Variants in TFE3 observed in about 807,000 individuals in gnomAD.
TFE3 encodes transcription factor binding to IGHM enhancer 3.
In TFE3, 5 loss-of-function variants were observed where a neutral mutation model predicts 35.0. The observed-to-expected ratio is 0.14, with a 90% confidence interval of 0.07 to 0.30. The LOEUF is 0.30. Ranked by LOEUF, TFE3 falls within the 10% of genes least tolerant of loss-of-function variation. The pLI is 1.00. For synonymous variants in TFE3, 211 were observed against 215.6 expected, an observed-to-expected ratio of 0.98 and a Z score of 0.18; for missense variants, 374 against 496.6, an observed-to-expected ratio of 0.75 and a Z score of 2.35.
In TFE3 at chrX:49,033,766, G is replaced by A. The variant is rs782369351; in HGVS notation, c.1020C>T (p.Ala340=). 8.3e-7 allele frequency: 1 copy of A among 1,211,737 alleles called. No individual in the cohort carries two copies. Among genetic ancestry groups the A allele is most frequent in the Admixed American group, 2.2e-5 (1 of 45,985 alleles). ...CTTTCTTCTGCCGTTCCTTCAAAAG[G>A]GCCTTTGCCTCGGTCTCTGGAAAAG... is the stretch of plus-strand genomic sequence containing the variant. ...KREISETEAK[A]LLKERQKKDN... The change falls in exon 7 of 10, where the codon GCC becomes GCT. Residue 340 remains alanine (A), a synonymous_variant. Transcript: ENST00000315869.
chrX:49,030,333 T>C lies in TFE3; in HGVS notation c.1553A>G (p.His518Arg), dbSNP rs1602492646. 1 of 1,075,615 alleles carries C rather than the reference T, an allele frequency of 9.3e-7. No individual in the cohort carries two copies. The highest frequency in any genetic ancestry group is 1.2e-6 in the Non-Finnish European group (1 of 820,100). 88.6% of individuals were successfully genotyped at this position (1,075,615 alleles called of 1,213,427 possible). The part of the protein sequence containing the change: ...DHLGDLGDPF[H>R]LGLEDILMEE... ...CATCAGAATGTCCTCCAGCCCCAGG[T>C]GGAAGGGGTCTCCCAGGTCCCCCAG... Residue 518 changes from histidine to arginine, a missense_variant, in exon 10 of 10, where the codon CAC becomes CGC. Physicochemically the swap from His to Arg is conservative, Grantham distance 29. Transcript: ENST00000315869.
At chrX:49,040,352 G>A (rs2064754127) in intron 2 of TFE3, 103 bp downstream of exon 2, 1 of 584,850 alleles carries the variant, frequency 1.7e-6, no homozygotes. Context: ...ACGCAGGCTG[G>A]TGAAAGAATG....
chrX:49,041,087 C>T (rs782737726), intron 1 of TFE3, among the ~76,000 whole-genome samples: 5 of 109,905 alleles, frequency 4.5e-5, no homozygotes, highest in Admixed American at 9.8e-5. Context: ...CACACGCCAC[C>T]ACGTCCGGCT....
chrX:49,040,046 A>AGGG (rs1404399918), intron 2 of TFE3, among the ~76,000 whole-genome samples: 1 of 110,583 alleles, frequency 9.0e-6, no homozygotes, highest in Non-Finnish European at 1.9e-5. Flanking sequence ...AGAGACCAGC[A>AGGG]GGGGCTCCTC....
chrX:49,043,050 C>T, intron 1 of TFE3, 61 bp downstream of exon 1: 1 of 1,006,261 alleles, frequency 9.9e-7, no homozygotes, highest in East Asian at 3.6e-5. Flanking sequence ...GCCCCCACTG[C>T]CCCCGAGATC....
chrX:49,040,343 C>T (rs973218123), intron 2 of TFE3, 112 bp downstream of exon 2: 12 of 546,745 alleles, frequency 2.2e-5, no homozygotes, highest in African/African-American at 7.1e-5. Flanking sequence ...ACCTAGAAAA[C>T]GCAGGCTGGT....
intron 5 of TFE3, 108 bp from the exon 6 acceptor site, chrX:49,034,359 C>T: frequency 3.7e-6 from 2 of 536,062 alleles, no homozygotes; most frequent in Non-Finnish European, 6.5e-6. Context: ...ATGGGGCACC[C>T]TCTAATGCAA....
At chrX:49,036,683 T>C (rs2064732473) in intron 5 of TFE3, among the ~76,000 whole-genome samples, 1 of 109,867 alleles carries the variant, frequency 9.1e-6, no homozygotes, top group Non-Finnish European at 1.9e-5. Flanking sequence ...GCGCCTGTAG[T>C]CCCAGTTACT....
Position 49,038,220 on chromosome X carries a change from T to C in TFE3, c.757A>G (p.Ile253Val), listed in dbSNP as rs2064741052. 4 of 1,211,454 alleles carry C rather than the reference T, an allele frequency of 3.3e-6. No individual in the cohort carries two copies. Among genetic ancestry groups the C allele is most frequent in the Non-Finnish European group, 1.1e-6 (1 of 895,477 alleles). The change falls in exon 4 of 10, where the codon ATC becomes GTC. Residue 253 changes from isoleucine (I) to valine (V), a missense_variant. Ile to Val is a conservative substitution (Grantham distance 29, BLOSUM62 3). Coordinates refer to ENST00000315869, the MANE Select transcript of TFE3 (RefSeq NM_006521.6). The part of the protein sequence containing the change: ...APNSPMALLT[I>V]GSSSEKEIDD... ...ACCTCCTTCTCTGAGCTGGACCCGA[T>C]GGTGAGCAGCGCCATGGGGCTGTTG...
intron 1 of TFE3, 56 bp downstream of exon 1, chrX:49,043,055 G>T: frequency 9.7e-7 from 1 of 1,030,724 alleles, no homozygotes; most frequent in Non-Finnish European, 1.3e-6. Context: ...CACTGCCCCC[G>T]AGATCAGGCC....
chrX:49,034,346 A>G (rs1201399964), intron 5 of TFE3, 95 bp from the exon 6 acceptor site: 1 of 568,285 alleles, frequency 1.8e-6, no homozygotes, highest in Non-Finnish European at 3.0e-6. Flanking sequence ...ACATATCCCA[A>G]AGATGGGGCA....
At chrX:49,037,894 T>C (rs1467034060) in intron 5 of TFE3, 116 bp downstream of exon 5, 1 of 647,024 alleles carries the variant, frequency 1.5e-6, no homozygotes, top group East Asian at 3.6e-5. Context: ...GGCCTCCCTC[T>C]CTATCTTAGC....
intron 1 of TFE3, among the ~76,000 whole-genome samples, chrX:49,041,307 T>C (rs1191237534): frequency 9.0e-6 from 1 of 111,036 alleles, no homozygotes; most frequent in African/African-American, 3.3e-5. Context: ...ACAGAGCAAG[T>C]AGGGGCATCC....
intron 2 of TFE3, chrX:49,039,682 T>C (rs2064749929): frequency 6.8e-6 from 2 of 294,131 alleles, no homozygotes; most frequent in Admixed American, 6.1e-5. Flanking sequence ...TGTTCACATA[T>C]TAAGTGGAGA....
chrX:49,039,010 C>A, intron 3 of TFE3, 97 bp downstream of exon 3: 2 of 909,629 alleles, frequency 2.2e-6, no homozygotes, highest in Non-Finnish European at 3.0e-6. Context: ...TAAGACCTTG[C>A]CCCCAAATCA....
intron 5 of TFE3, among the ~76,000 whole-genome samples, chrX:49,036,659 G>A (rs1205217063): frequency 9.2e-6 from 1 of 109,012 alleles, no homozygotes; most frequent in South Asian, 3.9e-4. Context: ...AAAATTAGCC[G>A]GGCATGGGGG....
At chrX:49,033,345 C>T in intron 8 of TFE3, 120 bp downstream of exon 8, 1 of 636,377 alleles carries the variant, frequency 1.6e-6, no homozygotes, top group Non-Finnish European at 2.4e-6. Context: ...TGAGAAAGAA[C>T]CAGACAGAGG....
In TFE3 at chrX:49,029,948, C is replaced by T. The variant is rs782274424; in HGVS notation, c.*210G>A. ...CAGCCTTCTCCTTCTGAAATACCTGCACTGGGCGGTTCCTTTGGGGAAGGT... is the reference window on the plus strand; with the variant it reads ...CAGCCTTCTCCTTCTGAAATACCTGTACTGGGCGGTTCCTTTGGGGAAGGT... On this transcript the variant is annotated 3_prime_UTR_variant, in exon 10 of 10. Coordinates refer to ENST00000315869, the MANE Select transcript of TFE3 (RefSeq NM_006521.6). 3 of 513,487 alleles carry T rather than the reference C, an allele frequency of 5.8e-6. No individual in the cohort carries two copies. The highest frequency in any genetic ancestry group is 4.6e-5 in the African/African-American group (2 of 43,390). 42.3% of individuals were successfully genotyped at this position (513,487 alleles called of 1,213,427 possible).
At position 49,029,829 on chromosome X, in the gene TFE3, G is replaced by A; in HGVS notation, c.*329C>T. The A allele has an allele frequency of 2.1e-6, 1 of 485,728 alleles. No individual in the cohort carries two copies. The allele number at this position is 485,728 out of a possible 1,213,427, so 40.0% of individuals were successfully genotyped here. ...GGGGACAGGGTCGAGACCTCATCCT[G>A]TCTCCTTCCCTCACCTGGGCAAGGA... On this transcript the variant is annotated 3_prime_UTR_variant, in exon 10 of 10. Coordinates refer to ENST00000315869, the MANE Select transcript of TFE3 (RefSeq NM_006521.6).
Sources: allele counts gnomAD v4.1 joint callset (sites outside exome capture counted in the v4.1 genomes callset), GRCh38; gene constraint gnomAD v4.1.1; transcripts MANE v1.5; gene names NCBI Gene and HGNC (gene_info 2026-07-23, HGNC 2026-07-21).